Variants in TLCD4 observed in about 807,000 individuals in gnomAD.
The protein encoded by TLCD4 is TLC domain-containing protein 4.
TLCD4 carries 7 observed loss-of-function variants against 24.2 expected under a neutral mutation model. That is an observed-to-expected ratio of 0.29 (90% CI 0.16 to 0.54). The LOEUF is 0.54. Ranked by LOEUF, TLCD4 falls within the 20% of genes least tolerant of loss-of-function variation. The pLI is 0.95. For synonymous variants in TLCD4, 103 were observed against 106.4 expected, an observed-to-expected ratio of 0.97 and a Z score of 0.20; for missense variants, 259 against 313.9, an observed-to-expected ratio of 0.82 and a Z score of 1.32.
the TLCD4 span, among the ~76,000 whole-genome samples, chr1:95,110,450 C>T: frequency 6.6e-6 from 1 of 151,800 alleles, no homozygotes; most frequent in South Asian, 2.1e-4. Context: ...CCTAAATGTC[C>T]AACAATAAGG....
chr1:95,145,990 A>G (rs1677335378), intron 2 of TLCD4, among the ~76,000 whole-genome samples: 1 of 152,126 alleles, frequency 6.6e-6, no homozygotes, highest in Non-Finnish European at 1.5e-5. Flanking sequence ...CTTAAGCTGT[A>G]AGGTGGAGAG....
At chr1:95,170,091 C>A (rs755288130) in intron 5 of TLCD4, among the ~76,000 whole-genome samples, 2 of 152,154 alleles carry the variant, frequency 1.3e-5, no homozygotes, top group Non-Finnish European at 2.9e-5. Context: ...TCTGGTCTGT[C>A]ATCTTCTCTA....
chr1:95,139,603 C>T (rs1191531763), intron 1 of TLCD4, among the ~76,000 whole-genome samples: 1 of 151,738 alleles, frequency 6.6e-6, no homozygotes, highest in Non-Finnish European at 1.5e-5. Flanking sequence ...AGACTACAGG[C>T]ATGTGCCACC....
At chr1:95,162,311 C>G (rs745735416) in intron 5 of TLCD4, among the ~76,000 whole-genome samples, 3 of 150,152 alleles carry the variant, frequency 2.0e-5, no homozygotes, top group Non-Finnish European at 4.5e-5. Flanking sequence ...TTATCAGAGA[C>G]TAGGATTGCA....
chr1:95,118,667 C>T (rs1232998141), intron 1 of TLCD4, among the ~76,000 whole-genome samples: 1 of 152,102 alleles, frequency 6.6e-6, no homozygotes, highest in African/African-American at 2.4e-5. Context: ...CCCGTGCCAG[C>T]GCATGGTGTC....
At chr1:95,094,126 G>A in the TLCD4 span, among the ~76,000 whole-genome samples, 4 of 152,170 alleles carry the variant, frequency 2.6e-5, no homozygotes, top group East Asian at 7.7e-4. Flanking sequence ...AAGAAACTTG[G>A]GCTAAGCACC....
At chr1:95,178,894 A>C (rs1678542139) in intron 6 of TLCD4, among the ~76,000 whole-genome samples, 3 of 152,186 alleles carry the variant, frequency 2.0e-5, no homozygotes, top group Admixed American at 1.3e-4. Context: ...CTCTATACTC[A>C]GTGCATGGCC....
rs561538044 is a variant in TLCD4, at chr1:95,181,414, A to G, written c.473+7525A>G. ...TATTTTAGTGGCCTTTTCAAATACT[A>G]ATAATTGTGGATATTCCTTAATATG... On this transcript the variant is annotated intron_variant, in intron 6 of 6. Coordinates refer to ENST00000370203, the MANE Select transcript of TLCD4 (RefSeq NM_152487.3). Among the ~76,000 whole-genome samples the G allele has an allele frequency of 2.6e-5, 4 of 152,264 alleles. No individual in the cohort carries two copies. In the South Asian group the frequency reaches 8.3e-4, roughly 32 times the overall value.
chr1:95,118,707 C>G (rs1287158794), intron 1 of TLCD4, among the ~76,000 whole-genome samples: 1 of 152,118 alleles, frequency 6.6e-6, no homozygotes, highest in African/African-American at 2.4e-5. Flanking sequence ...CTTTGTGTAG[C>G]CGATTAAGGT....
chr1:95,104,672 A>AAAAAAAAAAAAAAAAAAAAAAAAC, the TLCD4 span, among the ~76,000 whole-genome samples: 1 of 147,186 alleles, frequency 6.8e-6, no homozygotes, highest in Admixed American at 6.8e-5. Flanking sequence ...TCAAAAAAAA[A>AAAAAAAAAAAAAAAAAAAAAAAAC]AAAAAAAAGC....
At chr1:95,096,251 G>C in the TLCD4 span, among the ~76,000 whole-genome samples, 1 of 152,222 alleles carries the variant, frequency 6.6e-6, no homozygotes, top group African/African-American at 2.4e-5. Context: ...AAGGTCCACT[G>C]CCTGTTTTTG....
At chr1:95,141,792 T>TACACACACACACACACACACACAC (rs3075917) in intron 1 of TLCD4, among the ~76,000 whole-genome samples, 11 of 138,672 alleles carry the variant, frequency 7.9e-5, no homozygotes, top group Non-Finnish European at 1.1e-4. Flanking sequence ...TTTTACCAAG[T>TACACACACACACACACACACACAC]ACACACACAC....
chr1:95,099,053 C>CAACAAAAAAAAA, the TLCD4 span, among the ~76,000 whole-genome samples: 1 of 70,656 alleles, frequency 1.4e-5, no homozygotes, highest in Non-Finnish European at 2.6e-5. Context: ...AACTCTGTCT[C>CAACAAAAAAAAA]AAAAAAAAAA....
In TLCD4 at chr1:95,150,272, T is replaced by C. The variant is rs760549721; in HGVS notation, c.304+6T>C. ...CTCAGGCTACCTCATTTCTGGTATG[T>C]GAGATGTTGTTTTATTGTCTAATTC... On this transcript the variant is annotated splice_donor_region_variant and intron_variant, in intron 4 of 6. Coordinates refer to ENST00000370203, the MANE Select transcript of TLCD4 (RefSeq NM_152487.3). The C allele has an allele frequency of 1.2e-6, 2 of 1,610,068 alleles. No homozygotes were observed. Among genetic ancestry groups the C allele is most frequent in the Non-Finnish European group, 1.7e-6 (2 of 1,179,228 alleles).
chr1:95,096,707 G>A, the TLCD4 span, among the ~76,000 whole-genome samples: 4 of 152,104 alleles, frequency 2.6e-5, no homozygotes, highest in Admixed American at 6.5e-5. Context: ...CCCCGCTAAT[G>A]GGTTCAGTTT....
chr1:95,151,272 A>C, intron 4 of TLCD4, 53 bp from the exon 5 acceptor site: 2 of 1,584,196 alleles, frequency 1.3e-6, no homozygotes, highest in Non-Finnish European at 1.7e-6. Context: ...ACATTTGAAA[A>C]ACAGTGCAAC....
chr1:95,141,402 G>C (rs1341070969), intron 1 of TLCD4, among the ~76,000 whole-genome samples: 2 of 152,022 alleles, frequency 1.3e-5, no homozygotes. Context: ...TGAGCAGCCC[G>C]TGCCCACCTT....
the TLCD4 span, among the ~76,000 whole-genome samples, chr1:95,112,191 G>A: frequency 6.6e-6 from 1 of 151,892 alleles, no homozygotes; most frequent in Non-Finnish European, 1.5e-5. Context: ...ACATTGCCAC[G>A]TGTCTCCTGG....
At chr1:95,143,235 T>C (rs531291650) in intron 1 of TLCD4, among the ~76,000 whole-genome samples, 161 of 152,260 alleles carry the variant, frequency 1.1e-3, no homozygotes, top group African/African-American at 3.8e-3. Flanking sequence ...AGTTGGGCTT[T>C]TCTGTTTGAT....
Sources: allele counts gnomAD v4.1 joint callset (sites outside exome capture counted in the v4.1 genomes callset), GRCh38; gene constraint gnomAD v4.1.1; transcripts MANE v1.5; gene names NCBI Gene and HGNC (gene_info 2026-07-23, HGNC 2026-07-21).